Variants in SYTL5 observed in about 807,000 individuals in gnomAD.
The protein encoded by SYTL5 is synaptotagmin like 5.
SYTL5 carries 34 observed loss-of-function variants against 55.9 expected under a neutral mutation model. The observed-to-expected ratio is 0.61, with a 90% CI of 0.46 to 0.81. The LOEUF (loss-of-function observed/expected upper bound fraction) is 0.81, where lower values mean the gene tolerates loss of function less well. Among genes scored for constraint, SYTL5 ranks in the 30% least tolerant of loss-of-function variants. The pLI is 0.00. For synonymous variants in SYTL5, 221 were observed against 188.7 expected (o/e 1.17, Z -1.40); for missense variants, 637 against 546.7 (o/e 1.17, Z -1.65).
the SYTL5 span, among the ~76,000 whole-genome samples, chrX:37,918,756 A>G: frequency 9.0e-6 from 1 of 111,082 alleles, no homozygotes; most frequent in East Asian, 2.8e-4. Context: ...ATTCTGGAGA[A>G]TAGCTATTAG....
chrX:37,975,258 T>C, the SYTL5 span, among the ~76,000 whole-genome samples: 19,131 of 111,152 alleles, frequency 0.17, 2,637 homozygotes, highest in African/African-American at 0.46. Context: ...TGTCATTGGC[T>C]GAGAGCTCCT....
the SYTL5 span, among the ~76,000 whole-genome samples, chrX:37,940,771 G>C: frequency 9.0e-6 from 1 of 110,498 alleles, no homozygotes; most frequent in Non-Finnish European, 1.9e-5. Context: ...ATTTTGTGTT[G>C]ACTCTGGGGT....
intron 2 of SYTL5, among the ~76,000 whole-genome samples, chrX:38,034,272 G>A (rs1935041137): frequency 8.9e-6 from 1 of 112,310 alleles, no homozygotes; most frequent in South Asian, 3.7e-4. Context: ...TTAAGAGGAA[G>A]GACTACCTAA....
chrX:38,042,295 G>C (rs1476106713), intron 2 of SYTL5, among the ~76,000 whole-genome samples: 1 of 109,782 alleles, frequency 9.1e-6, no homozygotes, highest in Non-Finnish European at 1.9e-5. Flanking sequence ...TCAGGGCCCG[G>C]GTGTATACCA....
In SYTL5 at chrX:38,087,187, G is replaced by A. The variant is rs189275995; in HGVS notation, c.690-2259G>A. On this transcript the variant is annotated intron_variant, in intron 6 of 16. Transcript: ENST00000297875. ...GGTCATTTCTGCAAGATTGACCCCT[G>A]CCCTTTCTTTTTAAAGGATATTTTA... Among the ~76,000 whole-genome samples the A allele has an allele frequency of 2.2e-3, 250 of 111,152 alleles. 2 individuals carry two copies. Among genetic ancestry groups the A allele is most frequent in the Non-Finnish European group, 2.5e-3 (134 of 53,062 alleles).
chrX:37,905,646 A>G, the SYTL5 span, among the ~76,000 whole-genome samples: 1 of 112,209 alleles, frequency 8.9e-6, no homozygotes, highest in African/African-American at 3.2e-5. Context: ...CTGGCTGTGC[A>G]TCCTGAAGCC....
intron 2 of SYTL5, among the ~76,000 whole-genome samples, chrX:38,046,640 AT>A (rs1935470998): frequency 9.0e-6 from 1 of 111,301 alleles, no homozygotes; most frequent in Non-Finnish European, 1.9e-5. Flanking sequence ...CCCAAATCTC[AT>A]GTCCTCACAT....
intron 1 of SYTL5, among the ~76,000 whole-genome samples, chrX:38,015,319 C>T (rs892882195): frequency 5.3e-5 from 6 of 112,355 alleles, no homozygotes; most frequent in Middle Eastern, 4.2e-3. Context: ...AGGAATCCCA[C>T]CATTTCACAT....
At chrX:37,978,684 A>C in the SYTL5 span, among the ~76,000 whole-genome samples, 19,738 of 111,635 alleles carry the variant, frequency 0.18, 2,760 homozygotes, top group African/African-American at 0.47. Flanking sequence ...ACCTTCCATG[A>C]AGAAGTGATA....
chrX:38,115,510 AGATACTTAT>A (rs1163472239), intron 13 of SYTL5, among the ~76,000 whole-genome samples: 7 of 107,679 alleles, frequency 6.5e-5, no homozygotes, highest in Non-Finnish European at 1.3e-4. Context: ...AAAAAAAAAA[AGATACTTAT>A]TTCAATTCCT....
rs560372145 is a variant in SYTL5 at position 38,017,111 on chromosome X, G to A, written c.-357+10443G>A. On this transcript the variant is annotated intron_variant, in intron 1 of 16. Transcript: ENST00000297875. ...TTGTTGTTGTTTTTTGATGCGAGAG[G>A]TTGCCCATTCTCAAAACCCACTTCC... Among the ~76,000 whole-genome samples, 8 of 111,051 alleles carry A rather than the reference G, an allele frequency of 7.2e-5. No individual in the cohort carries two copies. The South Asian group carries it at 3.1e-3, about 43-fold the overall frequency.
chrX:37,934,909 C>T, the SYTL5 span, among the ~76,000 whole-genome samples: 82 of 112,054 alleles, frequency 7.3e-4, no homozygotes, highest in Middle Eastern at 0.014. Flanking sequence ...GTTGGGATTA[C>T]AGGCGTGAGC....
At chrX:38,122,029 T>C in intron 14 of SYTL5, 51 bp from the exon 15 acceptor site, 1 of 1,072,304 alleles carries the variant, frequency 9.3e-7, no homozygotes, top group Non-Finnish European at 1.2e-6. Context: ...ATGATTTATC[T>C]ATTTTTTTTT....
At chrX:37,962,126 A>AGGT in the SYTL5 span, among the ~76,000 whole-genome samples, 2 of 109,816 alleles carry the variant, frequency 1.8e-5, no homozygotes, top group Admixed American at 1.9e-4. Flanking sequence ...CACAATGTGC[A>AGGT]GGTTTGTTAC....
chrX:37,937,979 T>C, the SYTL5 span, among the ~76,000 whole-genome samples: 5 of 112,526 alleles, frequency 4.4e-5, no homozygotes, highest in Admixed American at 2.8e-4. Context: ...TGGGCTGTAA[T>C]CCTGGCTGGA....
At chrX:38,007,343 G>C (rs564642824) in intron 1 of SYTL5, among the ~76,000 whole-genome samples, 3 of 111,148 alleles carry the variant, frequency 2.7e-5, no homozygotes, top group African/African-American at 9.8e-5. Flanking sequence ...AGATGCATCA[G>C]GGTTTAAAAA....
At chrX:38,085,387 A>C (rs1188209999) in intron 6 of SYTL5, among the ~76,000 whole-genome samples, 2 of 111,392 alleles carry the variant, frequency 1.8e-5, no homozygotes, top group Non-Finnish European at 3.8e-5. Flanking sequence ...GCATCTGAGG[A>C]TGAGGGCCAC....
upstream of SYTL5, among the ~76,000 whole-genome samples, chrX:38,002,966 G>A (rs986684360): frequency 5.4e-5 from 6 of 111,700 alleles, no homozygotes; most frequent in African/African-American, 1.6e-4. Context: ...GAATGGTATT[G>A]CCTAGTTTTT....
the SYTL5 span, among the ~76,000 whole-genome samples, chrX:37,910,967 C>CTTTTTTTTTTTTTT: frequency 2.1e-4 from 17 of 82,755 alleles, no homozygotes; most frequent in South Asian, 5.7e-4. Flanking sequence ...GATAGCATTA[C>CTTTTTTTTTTTTTT]TTTTTTTTTT....
Sources: allele counts gnomAD v4.1 joint callset (sites outside exome capture counted in the v4.1 genomes callset), GRCh38; gene constraint gnomAD v4.1.1; transcripts MANE v1.5; gene names NCBI Gene and HGNC (gene_info 2026-07-23, HGNC 2026-07-21).